The following GAK variants were observed in gnomAD, a reference collection of about 807,000 sequenced individuals.
GAK encodes cyclin-G-associated kinase.
In GAK, 79 loss-of-function variants were observed where a neutral mutation model predicts 143.9. That is an observed-to-expected ratio of 0.55 (90% confidence interval 0.46 to 0.66). The LOEUF (loss-of-function observed/expected upper bound fraction) is 0.66. Among genes scored for constraint, GAK ranks in the 30% least tolerant of loss-of-function variants. The probability of loss-of-function intolerance (pLI) is 0.00; values close to 1 mark genes in which losing one functional copy is unlikely to be tolerated. For missense variants in GAK, 1,693 were observed against 1,779.7 expected (o/e 0.95, Z 0.88); for synonymous variants, 881 against 765.5 (o/e 1.15, Z -2.49).
chr4:930,661 C>T (rs533660641), intron 1 of GAK, among the ~76,000 whole-genome samples: 3 of 151,946 alleles, frequency 2.0e-5, no homozygotes, highest in African/African-American at 4.8e-5. Flanking sequence ...TGAAGATAAC[C>T]ACCTAGTATT....
chr4:896,351 G>A, intron 7 of GAK, 109 bp downstream of exon 7: 1 of 770,932 alleles, frequency 1.3e-6, no homozygotes, highest in South Asian at 1.4e-5. Flanking sequence ...GGGAAGAGGG[G>A]GTGGAGGAGG....
At chr4:922,224 G>C (rs552954206) in intron 1 of GAK, among the ~76,000 whole-genome samples, 1 of 152,188 alleles carries the variant, frequency 6.6e-6, no homozygotes, top group South Asian at 2.1e-4. Context: ...TCAGCAAAAA[G>C]GCAGCATCGG....
At chr4:925,247 T>C (rs1435270781) in intron 1 of GAK, among the ~76,000 whole-genome samples, 1 of 152,164 alleles carries the variant, frequency 6.6e-6, no homozygotes, top group Non-Finnish European at 1.5e-5. Flanking sequence ...TCTGAGGACT[T>C]GGGACACTAG....
chr4:855,130 G>A (rs1362200826), intron 24 of GAK, among the ~76,000 whole-genome samples: 1 of 152,154 alleles, frequency 6.6e-6, no homozygotes, highest in African/African-American at 2.4e-5. Flanking sequence ...GAAAATCCCT[G>A]CTGAGGCGTT....
chr4:874,727 G>A (rs552790634), intron 18 of GAK, among the ~76,000 whole-genome samples: 32 of 150,566 alleles, frequency 2.1e-4, no homozygotes, highest in African/African-American at 7.3e-4. Context: ...TGGTTCTGAC[G>A]TCCTCCATCA....
rs188717802 is a variant in GAK at position 874,609 on chromosome 4, C to T, written c.2054+1921G>A. On this transcript the variant is annotated intron_variant, in intron 18 of 27. Transcript: ENST00000314167. The stretch of plus-strand genomic sequence containing the variant: ...TCCTCGGGCTGGAGATTGTTCTCTT[C>T]GGGTTCCAGCAATTCAACCAGGATG... Among the ~76,000 whole-genome samples the T allele has an allele frequency of 9.2e-5, 14 of 152,044 alleles. No individual in the cohort carries two copies. The East Asian group carries it at 2.5e-3, about 27-fold the overall frequency.
intron 1 of GAK, among the ~76,000 whole-genome samples, chr4:922,514 C>CAA (rs35567795): frequency 0.012 from 759 of 62,780 alleles, 14 homozygotes; most frequent in South Asian, 0.023. Context: ...GACTCCATCT[C>CAA]AAAAAAAAAA....
chr4:877,952 A>G lies in GAK; in HGVS notation c.1662-143T>C, dbSNP rs552265548. The G allele has an allele frequency of 5.2e-5, 33 of 629,578 alleles. No individual in the cohort carries two copies. In the East Asian group the frequency reaches 8.3e-4, roughly 16 times the overall value. The allele number at this position is 629,578 out of a possible 1,614,324, so 39.0% of individuals were successfully genotyped here. On this transcript the variant is annotated intron_variant, in intron 15 of 27. Coordinates refer to ENST00000314167, the MANE Select transcript of GAK (RefSeq NM_005255.4). ...AGTTGCTCCTAACAAATCTGATGTT[A>G]TAATTTTCATTTAGTTATATATATA... is the stretch of plus-strand genomic sequence containing the variant.
chr4:852,371 G>C (rs533100589), intron 24 of GAK: 5 of 256,702 alleles, frequency 1.9e-5, no homozygotes, highest in African/African-American at 6.8e-5. Context: ...CGTCTGTAGC[G>C]TCCTAGAGGG....
intron 20 of GAK, 124 bp downstream of exon 20, chr4:868,415 C>T: frequency 3.4e-6 from 3 of 873,148 alleles, no homozygotes; most frequent in Non-Finnish European, 5.2e-6. Context: ...GGTGCACAGC[C>T]CCACTGAGGT....
At chr4:883,176 C>T (rs1454216359) in intron 13 of GAK, 139 bp downstream of exon 13, 5 of 1,010,688 alleles carry the variant, frequency 4.9e-6, no homozygotes, top group Middle Eastern at 3.2e-4. Context: ...CCCTCCTGTC[C>T]CACGCTCTGC....
intron 4 of GAK, among the ~76,000 whole-genome samples, chr4:905,204 GC>G (rs1720837137): frequency 6.6e-6 from 1 of 152,146 alleles, no homozygotes; most frequent in Admixed American, 6.5e-5. Context: ...CCCTTGAGCC[GC>G]TGCTTGGGCC....
At chr4:902,525 A>G (rs1560401036) in intron 5 of GAK, among the ~76,000 whole-genome samples, 1 of 139,722 alleles carries the variant, frequency 7.2e-6, no homozygotes, top group Non-Finnish European at 1.5e-5. Context: ...CACCTGGGCC[A>G]AGTCGGCCGA....
intron 26 of GAK, chr4:850,638 G>GGGC: frequency 6.4e-6 from 1 of 155,518 alleles, no homozygotes; most frequent in Admixed American, 6.8e-5. Flanking sequence ...CTCCTGTAAC[G>GGGC]CCCGCCCACC....
At position 888,640 on chromosome 4, in the gene GAK, G is replaced by A. The variant is rs144665148; in HGVS notation, c.1205+207C>T. 5 of 602,972 alleles carry A rather than the reference G, an allele frequency of 8.3e-6. No individual in the cohort carries two copies. In the East Asian group the frequency reaches 9.3e-5, roughly 11 times the overall value. 37.4% of individuals were successfully genotyped at this position (602,972 alleles called of 1,614,324 possible). A position where few individuals can be genotyped will look rare whatever the true frequency, so the allele number is the denominator to read the frequency against. ...CTCAGCAGGGCCTTGCCCCCCAGGCGATGAAAGGAAAGGGATCTGCCTGGC... is the reference window on the plus strand; with the variant it reads ...CTCAGCAGGGCCTTGCCCCCCAGGCAATGAAAGGAAAGGGATCTGCCTGGC... On this transcript the variant is annotated intron_variant, in intron 11 of 27. Transcript: ENST00000314167.
intron 22 of GAK, 144 bp downstream of exon 22, chr4:866,220 T>A: frequency 1.3e-6 from 1 of 773,218 alleles, no homozygotes; most frequent in Non-Finnish European, 2.1e-6. Flanking sequence ...TCCTGCAGGA[T>A]GCTTGGGCCG....
At chr4:909,070 C>G (rs911462894) in intron 4 of GAK, among the ~76,000 whole-genome samples, 1 of 152,216 alleles carries the variant, frequency 6.6e-6, no homozygotes, top group Non-Finnish European at 1.5e-5. Flanking sequence ...TAGTCTCGAA[C>G]TCCTCACCTC....
intron 19 of GAK, 35 bp from the exon 20 acceptor site, chr4:868,720 T>C (rs186274545): frequency 6.5e-7 from 1 of 1,538,944 alleles, no homozygotes; most frequent in South Asian, 1.2e-5. Flanking sequence ...GCACTGGCAC[T>C]GGCCAGCAGC....
In GAK at chr4:877,057, G is replaced by A. The variant is rs376200638; in HGVS notation, c.1974+33C>T. On this transcript the variant is annotated intron_variant, in intron 17 of 27. Coordinates refer to ENST00000314167, the MANE Select transcript of GAK (RefSeq NM_005255.4). ...GCCCCCCATGAGCCTAGGCGTGAGT[G>A]GGGAGCACCGGGCAAGCCACAGGCT... 3.3e-3 allele frequency: 4,777 copies of A among 1,448,976 alleles called. 189 individuals are homozygous for A. The South Asian group carries it at 0.05, about 15-fold the overall frequency. The allele number at this position is 1,448,976 out of a possible 1,614,324, so 89.8% of individuals were successfully genotyped here.
Sources: allele counts gnomAD v4.1 joint callset (sites outside exome capture counted in the v4.1 genomes callset), GRCh38; gene constraint gnomAD v4.1.1; transcripts MANE v1.5; gene names NCBI Gene and HGNC (gene_info 2026-07-23, HGNC 2026-07-21).